The following MGAT4C variants were observed in gnomAD, a reference collection of about 807,000 sequenced individuals.
MGAT4C encodes alpha-1,3-mannosyl-glycoprotein 4-beta-N-acetylglucosaminyltransferase C.
MGAT4C carries 19 observed loss-of-function variants against 40.1 expected under a neutral mutation model. The ratio of observed to expected loss-of-function variants is 0.47; its 90% CI spans 0.33 to 0.70. The LOEUF is 0.70. Ranked by LOEUF, MGAT4C falls within the 30% of genes least tolerant of loss-of-function variation. The pLI is 0.02. For synonymous variants in MGAT4C, 181 were observed against 187.1 expected (o/e 0.97, Z 0.27); for missense variants, 491 against 563.2 (o/e 0.87, Z 1.30).
intron 2 of MGAT4C, among the ~76,000 whole-genome samples, chr12:86,676,829 G>A (rs1244819383): frequency 1.3e-5 from 2 of 152,120 alleles, no homozygotes; most frequent in East Asian, 1.9e-4. Context: ...GGTGAAATAA[G>A]TTTATAAGAT....
Position 86,379,140 on chromosome 12 carries a change from TGGTAA to T in MGAT4C, c.-119-45018_-119-45014del, listed in dbSNP as rs1175296626. Among the ~76,000 whole-genome samples, 24 of 152,236 alleles carry T rather than the reference TGGTAA, an allele frequency of 1.6e-4. 1 individual carries two copies. The South Asian group carries it at 5.0e-3, about 32-fold the overall frequency. Reference sequence around the variant, plus strand: ...CTCAGCTTATTTATTTTTAAAATATTGGTAATACTCATATTTACCTTATAAATTTG... The same window carrying T: ...CTCAGCTTATTTATTTTTAAAATATTTACTCATATTTACCTTATAAATTTG... On this transcript the variant is annotated intron_variant, in intron 3 of 7. Transcript: ENST00000548651.
chr12:86,646,194 C>G (rs1963539408), intron 2 of MGAT4C, among the ~76,000 whole-genome samples: 1 of 151,794 alleles, frequency 6.6e-6, no homozygotes, highest in South Asian at 2.1e-4. Context: ...TATATAAAAT[C>G]TATTAGCGAA....
chr12:86,513,446 T>G (rs1958626954), intron 2 of MGAT4C, among the ~76,000 whole-genome samples: 1 of 152,184 alleles, frequency 6.6e-6, no homozygotes, highest in Non-Finnish European at 1.5e-5. Context: ...GTCTGAAAGC[T>G]TCTCTTCTTG....
chr12:86,175,982 G>C (rs1392020893), intron 1 of MGAT4C, among the ~76,000 whole-genome samples: 3 of 151,874 alleles, frequency 2.0e-5, no homozygotes, highest in African/African-American at 7.3e-5. Flanking sequence ...AACAAACAAA[G>C]AAAAACAAAT....
At chr12:86,186,768 C>A (rs1013096759) in intron 1 of MGAT4C, among the ~76,000 whole-genome samples, 1 of 152,072 alleles carries the variant, frequency 6.6e-6, no homozygotes, top group African/African-American at 2.4e-5. Context: ...GTAGAGTCTG[C>A]AATAGGCCTT....
At chr12:86,249,074 T>C (rs1007065691) in intron 1 of MGAT4C, among the ~76,000 whole-genome samples, 2 of 152,134 alleles carry the variant, frequency 1.3e-5, no homozygotes, top group Non-Finnish European at 2.9e-5. Flanking sequence ...ATTTAAAAAA[T>C]AAGTGCAATG....
rs1300103101 is a variant in MGAT4C, at chr12:86,603,758, TATATAGTATAATTATATATACTATATA to T, written c.-229+123424_-229+123450del. Reference sequence around the variant, plus strand: ...TATATATACTATATATTATATATAATATATAGTATAATTATATATACTATATAATATATAGTATATATATTATATAGT... The same window carrying T: ...TATATATACTATATATTATATATAATATATATAGTATATATATTATATAGT... On this transcript the variant is annotated intron_variant, in intron 2 of 7. Coordinates refer to the MGAT4C transcript ENST00000548651. Among the ~76,000 whole-genome samples the T allele has an allele frequency of 1.9e-4, 24 of 125,712 alleles. No individual in the cohort carries two copies. In the East Asian group the frequency reaches 4.0e-3, roughly 21 times the overall value. 82.5% of individuals were successfully genotyped at this position (125,712 alleles called of 152,430 possible). A position where few individuals can be genotyped will look rare whatever the true frequency, so the allele number is the denominator to read the frequency against.
chr12:86,698,206 G>GA (rs932829717), intron 2 of MGAT4C, among the ~76,000 whole-genome samples: 29 of 148,442 alleles, frequency 2.0e-4, no homozygotes, highest in South Asian at 4.2e-4. Context: ...CAAAGAAAAT[G>GA]AAAAAAAAAC....
intron 3 of MGAT4C, among the ~76,000 whole-genome samples, chr12:86,391,732 T>C (rs909956684): frequency 6.6e-6 from 1 of 151,810 alleles, no homozygotes; most frequent in African/African-American, 2.4e-5. Context: ...TGGTGGCGGG[T>C]GCCTGTAGTC....
chr12:86,065,553 C>T (rs962696357), intron 1 of MGAT4C, among the ~76,000 whole-genome samples: 13 of 152,194 alleles, frequency 8.5e-5, no homozygotes, highest in East Asian at 3.9e-4. Flanking sequence ...ATTGATGGAA[C>T]GTATATCAAA....
chr12:86,490,964 G>C (rs1443993645), intron 2 of MGAT4C, among the ~76,000 whole-genome samples: 1 of 151,994 alleles, frequency 6.6e-6, no homozygotes, highest in African/African-American at 2.4e-5. Flanking sequence ...AATAATAATG[G>C]GAGACCTTAA....
At chr12:86,177,858 T>C (rs1257684743) in intron 1 of MGAT4C, among the ~76,000 whole-genome samples, 2 of 152,188 alleles carry the variant, frequency 1.3e-5, no homozygotes, top group African/African-American at 4.8e-5. Context: ...GGATTTATAA[T>C]TTAAAATTAA....
chr12:86,255,726 C>T (rs1302215705), intron 1 of MGAT4C, among the ~76,000 whole-genome samples: 1 of 152,028 alleles, frequency 6.6e-6, no homozygotes, highest in Non-Finnish European at 1.5e-5. Context: ...AACTTTATTT[C>T]AGAAGCCAGA....
At chr12:86,118,430 C>G (rs778179900) in intron 1 of MGAT4C, among the ~76,000 whole-genome samples, 1 of 152,132 alleles carries the variant, frequency 6.6e-6, no homozygotes, top group African/African-American at 2.4e-5. Flanking sequence ...TTCAGAAGAG[C>G]TGCTTAGTAA....
At chr12:86,126,810 C>T (rs994707095) in intron 1 of MGAT4C, among the ~76,000 whole-genome samples, 7 of 152,114 alleles carry the variant, frequency 4.6e-5, no homozygotes, top group Non-Finnish European at 8.8e-5. Flanking sequence ...AGATGTATAG[C>T]CCAGGGGTCC....
intron 2 of MGAT4C, among the ~76,000 whole-genome samples, chr12:86,655,570 A>T (rs1436134724): frequency 1.3e-5 from 2 of 152,066 alleles, no homozygotes; most frequent in Non-Finnish European, 2.9e-5. Context: ...ATGAAAAAAA[A>T]TTTTATTTGT....
chr12:86,346,720 G>A (rs369633639), intron 3 of MGAT4C, among the ~76,000 whole-genome samples: 5 of 152,246 alleles, frequency 3.3e-5, no homozygotes, highest in Admixed American at 6.5e-5. Context: ...TGAAGGATGC[G>A]AAGTATTGTT....
intron 1 of MGAT4C, among the ~76,000 whole-genome samples, chr12:86,171,207 T>C (rs565170583): frequency 6.6e-6 from 1 of 152,054 alleles, no homozygotes; most frequent in Admixed American, 6.5e-5. Context: ...GTGTCTATAC[T>C]AAAAATACAA....
chr12:85,980,517 G>T, intron 4 of MGAT4C, 87 bp from the exon 5 acceptor site: 1 of 1,189,684 alleles, frequency 8.4e-7, no homozygotes, highest in Non-Finnish European at 1.2e-6. Flanking sequence ...CCTTTGACTT[G>T]CTACTTACTA....
Sources: gnomAD v4.1 joint callset for allele counts (sites outside exome capture counted in the v4.1 genomes callset) on GRCh38, gnomAD v4.1.1 for gene constraint, MANE v1.5 for transcripts, NCBI Gene and HGNC (gene_info 2026-07-23, HGNC 2026-07-21) for gene names.